Variants in ATR observed in about 807,000 individuals in gnomAD.
ATR encodes the protein ATR checkpoint kinase.
Under a neutral mutation model 305.3 loss-of-function variants are expected in ATR, and 142 were observed. That is an observed-to-expected ratio of 0.47 (90% CI 0.41 to 0.53). The LOEUF (loss-of-function observed/expected upper bound fraction) is 0.53, where lower values mean the gene tolerates loss of function less well. Ranked by LOEUF, ATR falls within the 20% of genes least tolerant of loss-of-function variation. The probability of loss-of-function intolerance (pLI) is 0.00; values close to 1 mark genes in which losing one functional copy is unlikely to be tolerated. For missense variants in ATR, 2,135 were observed against 3,133.1 expected (o/e 0.68, Z 7.60); for synonymous variants, 1,050 against 1,068.1 (o/e 0.98, Z 0.33).
Position 142,553,198 on chromosome 3 carries a change from C to T in ATR, c.2805+29G>A, listed in dbSNP as rs756387665. ...AACTCTTAAAAAGTACTGCTGTTGC[C>T]TATAGTCCAGACAAACGCTGACTCT... On this transcript the variant is annotated intron_variant, in intron 13 of 46. Transcript: ENST00000350721. 1.9e-6 allele frequency: 3 copies of T among 1,609,576 alleles called. No homozygotes were observed. The Admixed American group carries it at 5.0e-5, about 27-fold the overall frequency.
intron 1 of ATR, among the ~76,000 whole-genome samples, chr3:142,573,823 T>C (rs2035352859): frequency 6.6e-6 from 1 of 152,216 alleles, no homozygotes; most frequent in South Asian, 2.1e-4. Flanking sequence ...CAATTTAGAC[T>C]AGCCGCATGT....
chr3:142,487,483 A>G (rs2031016033), intron 35 of ATR, among the ~76,000 whole-genome samples: 2 of 152,190 alleles, frequency 1.3e-5, no homozygotes, highest in Admixed American at 1.3e-4. Flanking sequence ...TCAACATTAC[A>G]TTTGTGATAT....
chr3:142,454,697 T>C (rs760801565), intron 45 of ATR, among the ~76,000 whole-genome samples: 1 of 152,142 alleles, frequency 6.6e-6, no homozygotes, highest in Non-Finnish European at 1.5e-5. Context: ...CGCCTCGGCC[T>C]CCCAAAGTGC....
intron 32 of ATR, 70 bp from the exon 33 acceptor site, chr3:142,497,262 G>A (rs1002260337): frequency 1.4e-6 from 2 of 1,476,950 alleles, no homozygotes; most frequent in African/African-American, 2.8e-5. Flanking sequence ...TATAAAGCAA[G>A]TACTTTAAAT....
chr3:142,542,508 C>T (rs988224067), intron 17 of ATR, among the ~76,000 whole-genome samples, 157 bp downstream of exon 17: 5 of 152,140 alleles, frequency 3.3e-5, no homozygotes, highest in Non-Finnish European at 7.4e-5. Flanking sequence ...AATACAATTC[C>T]AATTTTTAGA....
At chr3:142,554,193 T>C (rs549708982) in intron 10 of ATR, among the ~76,000 whole-genome samples, 178 bp from the exon 11 acceptor site, 1 of 152,196 alleles carries the variant, frequency 6.6e-6, no homozygotes, top group Non-Finnish European at 1.5e-5. Flanking sequence ...TGGATACTTA[T>C]AAATTAAAAT....
chr3:142,501,474 A>G (rs1006619640), intron 30 of ATR, among the ~76,000 whole-genome samples: 6 of 152,222 alleles, frequency 3.9e-5, no homozygotes, highest in Admixed American at 1.3e-4. Flanking sequence ...TTGTAAAATG[A>G]TAGTCTTTAT....
intron 21 of ATR, among the ~76,000 whole-genome samples, chr3:142,527,006 C>T (rs1021582994): frequency 6.6e-6 from 1 of 152,002 alleles, no homozygotes; most frequent in Non-Finnish European, 1.5e-5. Context: ...TCAGGCTGGT[C>T]TCGAACCCTT....
rs2032983620 is a variant in ATR, at chr3:142,518,072, T to G, written c.4382+1597A>C. Among the ~76,000 whole-genome samples the G allele has an allele frequency of 2.0e-5, 3 of 152,212 alleles. No individual in the cohort carries two copies. In the South Asian group the frequency reaches 6.2e-4, roughly 31 times the overall value. On this transcript the variant is annotated intron_variant, in intron 24 of 46. Transcript: ENST00000350721. ...GCCAACAATCAAACCTAAGCCTGTG[T>G]GACTACAAAGGTCATAAACTTTCCA...
chr3:142,473,085 A>C (rs1425324993), intron 36 of ATR, among the ~76,000 whole-genome samples: 2 of 152,204 alleles, frequency 1.3e-5, no homozygotes, highest in Non-Finnish European at 1.5e-5. Context: ...TTGGCTATGC[A>C]GAAGTCTTTT....
intron 9 of ATR, 95 bp from the exon 10 acceptor site, chr3:142,556,234 A>C (rs1392284312): frequency 6.6e-7 from 1 of 1,515,236 alleles, no homozygotes; most frequent in Non-Finnish European, 9.0e-7. Context: ...TGGTAAAACA[A>C]AGCCTAGAAG....
intron 30 of ATR, among the ~76,000 whole-genome samples, chr3:142,502,917 C>T (rs1304764030): frequency 6.6e-6 from 1 of 152,182 alleles, no homozygotes; most frequent in African/African-American, 2.4e-5. Context: ...CTACAATAAA[C>T]CCACCTTCTT....
At chr3:142,556,637 T>C in intron 8 of ATR, 62 bp from the exon 9 acceptor site, 1 of 1,432,500 alleles carries the variant, frequency 7.0e-7, no homozygotes, top group African/African-American at 1.4e-5. Flanking sequence ...TATACACATA[T>C]ACATATATAT....
In ATR at chr3:142,512,305, T is replaced by C. The variant is rs2108371334; in HGVS notation, c.4807A>G (p.Lys1603Glu). 6.2e-7 allele frequency: 1 copy of C among 1,613,754 alleles called. No homozygotes were observed. Among genetic ancestry groups the C allele is most frequent in the Non-Finnish European group, 8.5e-7 (1 of 1,179,946 alleles). The change falls in exon 27 of 47, where the codon AAA (lysine) becomes GAA (glutamate). Residue 1603 changes from lysine to glutamate, a missense_variant. Lys to Glu is a moderately conservative substitution (Grantham distance 56). This residue lies in a region of ATR where 202 missense variants were observed against 252.9 expected (regional missense o/e 0.80). Coordinates refer to ENST00000350721, the MANE Select transcript of ATR (RefSeq NM_001184.4). ...RHKFQALKAE[K>E]CPHSKSNRNK... is the part of the protein sequence containing the mutation. ...CTGTTTGATTTGCTGTGTGGACATT[T>C]CTCAGCTTTCAGTGCCTGAAATTTG... is the stretch of plus-strand genomic sequence containing the variant.
rs113407801 is a variant in ATR at position 142,522,483 on chromosome 3, T to C, written c.4266+245A>G. 0.019 allele frequency among the ~76,000 whole-genome samples: 2,850 copies of C among 152,232 alleles called. 32 individuals carry two copies. The highest frequency in any genetic ancestry group is 0.041 in the South Asian group (199 of 4,828). On this transcript the variant is annotated intron_variant, in intron 23 of 46. Transcript: ENST00000350721. ...TGCCTAGAATGATTTAAGTAACTCA[T>C]TTAAGTCACAAAGCTGAGGCAGTAG...
At chr3:142,575,295 T>A (rs2035399093) in intron 1 of ATR, among the ~76,000 whole-genome samples, 1 of 151,990 alleles carries the variant, frequency 6.6e-6, no homozygotes. Context: ...AGACAACCTG[T>A]GCAACATGGT....
intron 21 of ATR, among the ~76,000 whole-genome samples, chr3:142,528,406 A>C (rs888275114): frequency 1.3e-5 from 2 of 152,136 alleles, no homozygotes; most frequent in Non-Finnish European, 2.9e-5. Context: ...ATAACTATTA[A>C]ATCTTCCTTA....
chr3:142,515,469 G>T lies in ATR; in HGVS notation c.4429C>A (p.Pro1477Thr). The T allele has an allele frequency of 1.2e-6, 2 of 1,612,948 alleles. No homozygotes were observed. The highest frequency in any genetic ancestry group is 1.7e-6 in the Non-Finnish European group (2 of 1,179,116). The change falls in exon 25 of 47, where the codon CCA (proline) becomes ACA (threonine). Residue 1477 changes from proline (P) to threonine (T), a missense_variant. Transcript: ENST00000350721. ...CTACCCAATTTACTTAAGTAAATTG[G>T]CTTCTTTACTCCAGACCAATCGGTT... Reference protein sequence around the residue: ...KSTDWSGVKKPIYLSKLGSNF... With the variant: ...KSTDWSGVKKTIYLSKLGSNF...
chr3:142,495,732 A>G (rs1368400401), intron 34 of ATR, among the ~76,000 whole-genome samples: 4 of 152,092 alleles, frequency 2.6e-5, no homozygotes. Context: ...CAACAGAGTG[A>G]GACTCCGGTT....
Sources: gnomAD v4.1 joint callset for allele counts (sites outside exome capture counted in the v4.1 genomes callset) on GRCh38, gnomAD v4.1.1 for gene constraint, gnomAD v4.1.1 regional missense constraint, MANE v1.5 for transcripts, NCBI Gene and HGNC (gene_info 2026-07-23, HGNC 2026-07-21) for gene names.